CACNA1C: variants seen among roughly 807,000 people sequenced by gnomAD.
CACNA1C encodes the protein voltage-dependent L-type calcium channel subunit alpha-1C.
In CACNA1C, 30 loss-of-function variants were observed where a neutral mutation model predicts 229.0. The ratio of observed to expected loss-of-function variants is 0.13; its 90% CI spans 0.10 to 0.18. The LOEUF is 0.18. Ranked by LOEUF, CACNA1C falls within the 10% of genes least tolerant of loss-of-function variation. The probability of loss-of-function intolerance (pLI) is 1.00; values close to 1 mark genes in which losing one functional copy is unlikely to be tolerated. For missense variants in CACNA1C, 1,658 were observed against 2,845.0 expected, an observed-to-expected ratio of 0.58 and a Z score of 9.49; for synonymous variants, 1,114 against 1,132.5, an observed-to-expected ratio of 0.98 and a Z score of 0.33.
At chr12:1,993,663 G>C (rs1157671739) in intron 1 of CACNA1C, among the ~76,000 whole-genome samples, 4 of 88,360 alleles carry the variant, frequency 4.5e-5, no homozygotes, top group Non-Finnish European at 9.3e-5. Context: ...TGTGTATACA[G>C]ATGTTGTTTA....
Position 2,444,148 on chromosome 12 carries a change from G to A in CACNA1C, c.478-4828G>A, listed in dbSNP as rs191338824. On this transcript the variant is annotated intron_variant, in intron 3 of 46. Transcript: ENST00000399655. ...TTGTGAAACCAGCCATGTCTCTGGG[G>A]ATAAGTGGTACCAGTGAACTGCGTT... Among the ~76,000 whole-genome samples, 155 of 152,286 alleles carry A rather than the reference G, an allele frequency of 1.0e-3. 1 individual carries two copies. In the Middle Eastern group the frequency reaches 0.027, roughly 27 times the overall value.
chr12:2,129,852 C>G (rs892586861), intron 3 of CACNA1C, among the ~76,000 whole-genome samples: 2 of 152,150 alleles, frequency 1.3e-5, no homozygotes, highest in African/African-American at 2.4e-5. Flanking sequence ...TTGCTCCCCC[C>G]TCTCTCCTGC....
chr12:2,658,085 A>T (rs2095515427), intron 34 of CACNA1C, among the ~76,000 whole-genome samples: 1 of 152,180 alleles, frequency 6.6e-6, no homozygotes, highest in Admixed American at 6.6e-5. Context: ...GGTAAAGAAT[A>T]TCTAAATAAT....
At chr12:2,451,020 T>C (rs2099364631) in intron 4 of CACNA1C, among the ~76,000 whole-genome samples, 1 of 152,186 alleles carries the variant, frequency 6.6e-6, no homozygotes, top group African/African-American at 2.4e-5. Context: ...TTTGTTGTTG[T>C]TGTTGTTGCC....
At position 2,512,485 on chromosome 12, in the gene CACNA1C, C is replaced by T. The variant is rs141869619; in HGVS notation, c.1218-327C>T. ...TGCTTGGAACGAGTTCCCAGGTCTT[C>T]GGAGAACAGTTATTAAAAAGCAAAG... On this transcript the variant is annotated intron_variant, in intron 8 of 46. Coordinates refer to ENST00000399655, the MANE Select transcript of CACNA1C (RefSeq NM_000719.7). This position sits in a 1 kb window ranked among gnomAD's most constrained non-coding sequence, Gnocchi z 4.3. Among the ~76,000 whole-genome samples the T allele has an allele frequency of 1.8e-4, 27 of 152,138 alleles. No individual in the cohort carries two copies. Among genetic ancestry groups the T allele is most frequent in the African/African-American group, 5.1e-4 (21 of 41,518 alleles).
At chr12:2,333,026 A>C (rs187701569) in intron 3 of CACNA1C, among the ~76,000 whole-genome samples, 1 of 152,306 alleles carries the variant, frequency 6.6e-6, no homozygotes, top group East Asian at 1.9e-4. Context: ...TCCCTCCGGC[A>C]GTGACGAGCA....
At chr12:2,272,838 C>T (rs2085726933) in intron 3 of CACNA1C, among the ~76,000 whole-genome samples, 1 of 152,192 alleles carries the variant, frequency 6.6e-6, no homozygotes, top group African/African-American at 2.4e-5. Flanking sequence ...GACACATGTT[C>T]GTAGGCCCAG....
At chr12:2,233,795 G>T (rs1466454650) in intron 3 of CACNA1C, among the ~76,000 whole-genome samples, 1 of 152,152 alleles carries the variant, frequency 6.6e-6, no homozygotes, top group African/African-American at 2.4e-5. Flanking sequence ...TGGGGTTGGG[G>T]TATAGGGGAG....
chr12:2,627,922 C>T lies in CACNA1C; in HGVS notation c.3829-6375C>T, dbSNP rs189615701. Among the ~76,000 whole-genome samples the T allele has an allele frequency of 2.5e-3, 386 of 152,290 alleles. 5 individuals are homozygous for T. The highest frequency in any genetic ancestry group is 1.2e-3 in the Non-Finnish European group (84 of 68,028). On this transcript the variant is annotated intron_variant, in intron 29 of 46. Coordinates refer to ENST00000399655, the MANE Select transcript of CACNA1C (RefSeq NM_000719.7). ...TTCAGAGTCAGCTTCCCCACAGGGC[C>T]GGGGAACTCAGGAGCTGGCTGCCTC...
intron 5 of CACNA1C, among the ~76,000 whole-genome samples, chr12:2,485,778 G>GA (rs1422096720): frequency 6.6e-6 from 1 of 152,194 alleles, no homozygotes; most frequent in East Asian, 1.9e-4. Flanking sequence ...TGCTCTAGGA[G>GA]AAAAAGATGC....
At chr12:2,296,499 T>G (rs749500058) in intron 3 of CACNA1C, among the ~76,000 whole-genome samples, 1 of 152,006 alleles carries the variant, frequency 6.6e-6, no homozygotes, top group African/African-American at 2.4e-5. Flanking sequence ...TCTGAAGGAG[T>G]GCAGGCCCAG....
chr12:2,232,762 C>T (rs770042547), intron 3 of CACNA1C, among the ~76,000 whole-genome samples: 14 of 152,024 alleles, frequency 9.2e-5, no homozygotes, highest in South Asian at 2.1e-4. Context: ...CCCTTCTTCC[C>T]CAGTTATTTA....
intron 1 of CACNA1C, among the ~76,000 whole-genome samples, chr12:2,113,522 C>A (rs2082580887): frequency 6.6e-6 from 1 of 152,090 alleles, no homozygotes; most frequent in African/African-American, 2.4e-5. Flanking sequence ...CCTGGAAGAC[C>A]CTGTGCACAT....
In CACNA1C at chr12:2,104,811, A is replaced by G. The variant is rs181412214; in HGVS notation, c.50-10413A>G. ...AGGTGCTGATAGGCGCCTTAGTTCA[A>G]GTAGCAAGAGGTCTTGACTTCCTTC... On this transcript the variant is annotated intron_variant, in intron 1 of 46. Transcript: ENST00000399655. Among the ~76,000 whole-genome samples the G allele has an allele frequency of 8.5e-5, 13 of 152,372 alleles. No homozygotes were observed. In the East Asian group the frequency reaches 2.5e-3, roughly 29 times the overall value.
intron 3 of CACNA1C, among the ~76,000 whole-genome samples, chr12:2,217,020 G>C (rs2060146057): frequency 6.6e-6 from 1 of 152,208 alleles, no homozygotes; most frequent in Admixed American, 6.5e-5. Flanking sequence ...TTCATTCGTG[G>C]ATAAATGGAT....
intron 3 of CACNA1C, among the ~76,000 whole-genome samples, chr12:2,233,454 T>C (rs1174663202): frequency 6.6e-6 from 1 of 152,222 alleles, no homozygotes; most frequent in Non-Finnish European, 1.5e-5. Flanking sequence ...TTTGATGGCG[T>C]CTAGGAGACA....
At chr12:2,028,283 G>A (rs1198700504) in intron 1 of CACNA1C, among the ~76,000 whole-genome samples, 2 of 152,196 alleles carry the variant, frequency 1.3e-5, no homozygotes, top group African/African-American at 2.4e-5. Flanking sequence ...CCCCCATCTT[G>A]AGCCAGAACA....
intron 3 of CACNA1C, among the ~76,000 whole-genome samples, chr12:2,204,857 T>C (rs1425706327): frequency 4.8e-5 from 7 of 145,206 alleles, no homozygotes; most frequent in Non-Finnish European, 9.1e-5. Flanking sequence ...GATGAGTTAG[T>C]GGGTGCAGCG....
chr12:2,409,646 T>G (rs1387848668), intron 3 of CACNA1C, among the ~76,000 whole-genome samples: 2 of 152,216 alleles, frequency 1.3e-5, no homozygotes, highest in Non-Finnish European at 1.5e-5. Flanking sequence ...TTGTTCCCCT[T>G]GAAGTTAGGT....
Sources: gnomAD v4.1 joint callset for allele counts (sites outside exome capture counted in the v4.1 genomes callset) on GRCh38, gnomAD v4.1.1 for gene constraint, Gnocchi (gnomAD v3.1) non-coding constraint, MANE v1.5 for transcripts, NCBI Gene and HGNC (gene_info 2026-07-23, HGNC 2026-07-21) for gene names.